The following AMPH variants were observed in gnomAD, a reference collection of about 807,000 sequenced individuals.
The protein encoded by AMPH is amphiphysin (Stiff-Mann syndrome with breast cancer 128kD autoantigen).
Under a neutral mutation model 99.1 loss-of-function variants are expected in AMPH, and 49 were observed. The observed-to-expected ratio is 0.49, with a 90% CI of 0.39 to 0.63. The LOEUF (loss-of-function observed/expected upper bound fraction) is 0.63. AMPH is among the 20% of genes least tolerant of loss of function. The pLI is 0.00. For missense variants in AMPH, 759 were observed against 863.4 expected (o/e 0.88, Z 1.52); for synonymous variants, 314 against 317.3 (o/e 0.99, Z 0.11).
chr7:38,612,409 A>G (rs891652253), intron 1 of AMPH, among the ~76,000 whole-genome samples: 4 of 152,036 alleles, frequency 2.6e-5, no homozygotes, highest in Non-Finnish European at 5.9e-5. Context: ...CACTGTGAAA[A>G]TGCCACTGGA....
At chr7:38,513,611 T>A (rs1195971277) in intron 2 of AMPH, among the ~76,000 whole-genome samples, 1 of 152,176 alleles carries the variant, frequency 6.6e-6, no homozygotes, top group Non-Finnish European at 1.5e-5. Flanking sequence ...AAGACTTTTG[T>A]GCACTAGACC....
At chr7:38,462,183 CTT>C (rs1438327438) in intron 10 of AMPH, among the ~76,000 whole-genome samples, 1 of 152,134 alleles carries the variant, frequency 6.6e-6, no homozygotes, top group African/African-American at 2.4e-5. Flanking sequence ...TGTTACATAA[CTT>C]TGTCTAACTG....
chr7:38,572,387 C>T (rs538726156), intron 1 of AMPH, among the ~76,000 whole-genome samples: 33 of 152,274 alleles, frequency 2.2e-4, no homozygotes, highest in African/African-American at 7.7e-4. Context: ...GTAGGTGCTA[C>T]CATCTAGGTC....
At chr7:38,388,537 T>A (rs956858697) in intron 20 of AMPH, among the ~76,000 whole-genome samples, 22 of 151,442 alleles carry the variant, frequency 1.5e-4, no homozygotes, top group African/African-American at 3.9e-4. Flanking sequence ...CATTATGAAA[T>A]TTTTTTTTAA....
At chr7:38,560,704 G>T (rs1254950723) in intron 1 of AMPH, among the ~76,000 whole-genome samples, 1 of 152,146 alleles carries the variant, frequency 6.6e-6, no homozygotes, top group Admixed American at 6.5e-5. Flanking sequence ...TGTGTTGTTT[G>T]CAGCCTACCT....
At chr7:38,433,452 G>A (rs1233453308) in intron 12 of AMPH, among the ~76,000 whole-genome samples, 3 of 152,102 alleles carry the variant, frequency 2.0e-5, no homozygotes, top group Admixed American at 6.5e-5. Context: ...ATGGCCGGGC[G>A]CGGTGGCTCA....
intron 5 of AMPH, among the ~76,000 whole-genome samples, chr7:38,489,661 C>T (rs981997510): frequency 6.6e-6 from 1 of 151,996 alleles, no homozygotes; most frequent in Non-Finnish European, 1.5e-5. Flanking sequence ...CAAAGGAACA[C>T]CCAGAGCTCA....
chr7:38,576,707 G>A (rs780668118), intron 1 of AMPH, among the ~76,000 whole-genome samples: 4 of 152,104 alleles, frequency 2.6e-5, no homozygotes, highest in Admixed American at 1.3e-4. Flanking sequence ...AAAGAAACGA[G>A]ACAGAACCCC....
At chr7:38,481,865 T>C (rs897709946) in intron 5 of AMPH, among the ~76,000 whole-genome samples, 17 of 152,278 alleles carry the variant, frequency 1.1e-4, no homozygotes, top group African/African-American at 3.6e-4. Flanking sequence ...CTACTAATAA[T>C]TACTTTAAAT....
chr7:38,433,650 G>A lies in AMPH; in HGVS notation c.1135-1438C>T, dbSNP rs1272006176. 7.8e-5 allele frequency among the ~76,000 whole-genome samples: 7 copies of A among 90,152 alleles called. 1 individual carries two copies. Among genetic ancestry groups the A allele is most frequent in the Admixed American group, 3.7e-4 (3 of 8,076 alleles). The allele number at this position is 90,152 out of a possible 152,430, so 59.1% of individuals were successfully genotyped here. On this transcript the variant is annotated intron_variant, in intron 12 of 20. Transcript: ENST00000356264. ...TGAGGCAGGAGAATGGCATGAACCC[G>A]GGAGGCGGAGCTTGCAGTGAGCCGA...
chr7:38,474,043 G>T (rs940583966), intron 7 of AMPH, among the ~76,000 whole-genome samples: 5 of 151,976 alleles, frequency 3.3e-5, no homozygotes, highest in Non-Finnish European at 4.4e-5. Context: ...GTCAAAGAAA[G>T]AAATGTAAGG....
intron 2 of AMPH, among the ~76,000 whole-genome samples, chr7:38,504,521 T>C (rs1434636637): frequency 6.6e-6 from 1 of 152,198 alleles, no homozygotes; most frequent in Non-Finnish European, 1.5e-5. Context: ...GACAGCGTTA[T>C]CAAGCAAGTT....
At chr7:38,630,901 G>T (rs1385571694) in intron 1 of AMPH, among the ~76,000 whole-genome samples, 1 of 152,180 alleles carries the variant, frequency 6.6e-6, no homozygotes, top group Non-Finnish European at 1.5e-5. Flanking sequence ...AGCCGGCCCG[G>T]GGAGATGCGA....
chr7:38,616,709 C>T (rs1307856073), intron 1 of AMPH, among the ~76,000 whole-genome samples: 1 of 152,100 alleles, frequency 6.6e-6, no homozygotes, highest in Non-Finnish European at 1.5e-5. Context: ...AATCTCAATA[C>T]ATGATGAGGA....
At chr7:38,578,039 T>G (rs913976849) in intron 1 of AMPH, among the ~76,000 whole-genome samples, 6 of 152,222 alleles carry the variant, frequency 3.9e-5, no homozygotes, top group African/African-American at 1.4e-4. Context: ...TACTTAGTGA[T>G]AAATGACAGA....
intron 4 of AMPH, among the ~76,000 whole-genome samples, chr7:38,493,088 A>C (rs1788789891): frequency 6.6e-6 from 1 of 152,214 alleles, no homozygotes; most frequent in African/African-American, 2.4e-5. Context: ...CTCTGTTAGC[A>C]TCTCAGTTAT....
chr7:38,534,154 T>C (rs1228655803), intron 2 of AMPH, among the ~76,000 whole-genome samples: 2 of 152,256 alleles, frequency 1.3e-5, no homozygotes, highest in East Asian at 3.9e-4. Flanking sequence ...TAAGATATGT[T>C]TATCTATGCT....
intron 4 of AMPH, among the ~76,000 whole-genome samples, chr7:38,491,768 T>C (rs1056921915): frequency 2.0e-5 from 3 of 152,198 alleles, no homozygotes; most frequent in African/African-American, 7.2e-5. Flanking sequence ...AGCCCAGAGA[T>C]GTCACATAAC....
chr7:38,579,148 T>G (rs73124302), intron 1 of AMPH, among the ~76,000 whole-genome samples: 15,392 of 152,232 alleles, frequency 0.1, 992 homozygotes, highest in East Asian at 0.25. Context: ...TAAGGACAGA[T>G]AGAAAGACCA....
Sources: gnomAD v4.1 joint callset for allele counts (sites outside exome capture counted in the v4.1 genomes callset) on GRCh38, gnomAD v4.1.1 for gene constraint, MANE v1.5 for transcripts, NCBI Gene and HGNC (gene_info 2026-07-23, HGNC 2026-07-21) for gene names.